The following BBS2 variants were observed in gnomAD, a reference collection of about 807,000 sequenced individuals.
The protein encoded by BBS2 is Bardet-Biedl syndrome 2.
In BBS2, 62 loss-of-function variants were observed where a neutral mutation model predicts 83.0. That is an observed-to-expected ratio of 0.75 (90% CI 0.61 to 0.92). BBS2 has a LOEUF of 0.92. BBS2 is among the 40% of genes least tolerant of loss of function. BBS2 has a pLI of 0.00. For missense variants in BBS2, 784 were observed against 901.0 expected (o/e 0.87, Z 1.66); for synonymous variants, 303 against 326.1 (o/e 0.93, Z 0.76).
In BBS2 at chr16:56,508,376, A is replaced by G. The variant is rs545363962; in HGVS notation, c.612+1581T>C. Reference sequence around the variant, plus strand: ...AAATACCACATAACTAAATTTTGCAAAATCCCACCATTCTGATCTCTAAGA... The same window carrying G: ...AAATACCACATAACTAAATTTTGCAGAATCCCACCATTCTGATCTCTAAGA... On this transcript the variant is annotated intron_variant, in intron 5 of 16. Transcript: ENST00000245157. Among the ~76,000 whole-genome samples, 3 of 152,278 alleles carry G rather than the reference A, an allele frequency of 2.0e-5. No homozygotes were observed. The East Asian group carries it at 5.8e-4, about 29-fold the overall frequency.
At chr16:56,509,337 A>G (rs1316312316) in intron 5 of BBS2, 1 of 154,798 alleles carries the variant, frequency 6.5e-6, no homozygotes, top group Non-Finnish European at 1.4e-5. Flanking sequence ...CCCCGTCTCT[A>G]TTAAAAACAC....
chr16:56,502,844 C>T (rs375894611), intron 7 of BBS2, 36 bp from the exon 8 acceptor site: 13 of 1,613,206 alleles, frequency 8.1e-6, no homozygotes, highest in Non-Finnish European at 1.1e-5. Flanking sequence ...GTTGCTTATG[C>T]TACATGTTTA....
intron 16 of BBS2, among the ~76,000 whole-genome samples, chr16:56,485,182 G>C (rs761688130): frequency 3.3e-5 from 5 of 152,042 alleles, no homozygotes; most frequent in Non-Finnish European, 7.4e-5. Flanking sequence ...TAAATCTCTG[G>C]CTATATTTCT....
At chr16:56,470,890 T>C (rs1963140089) in intron 17 of BBS2, 1 of 1,241,398 alleles carries the variant, frequency 8.1e-7, no homozygotes, top group Non-Finnish European at 1.1e-6. Flanking sequence ...TACTGTGCCC[T>C]AAGCCCTATT....
At chr16:56,480,184 C>T (rs1963624795), downstream of BBS2, among the ~76,000 whole-genome samples, 1 of 151,916 alleles carries the variant, frequency 6.6e-6, no homozygotes, top group Non-Finnish European at 1.5e-5. Flanking sequence ...ATTAGGTCCA[C>T]ATCTTTAATT....
In BBS2 at chr16:56,484,828, T is replaced by C; in HGVS notation, c.2099A>G (p.Asp700Gly). Residue 700 changes from aspartate to glycine, a missense_variant, in exon 17 of 17, where the codon GAT becomes GGT. Transcript: ENST00000245157. ...PKNQVITACRDAIRSNNINTL... is the reference protein window; with the variant it reads ...PKNQVITACRGAIRSNNINTL... ...GTTGATGTTATTGCTTCGAATTGCA[T>C]CCCGACAAGCAGTGATCACCTGGTT... is the stretch of plus-strand genomic sequence containing the variant. 6.2e-7 allele frequency: 1 copy of C among 1,614,026 alleles called. No individual in the cohort carries two copies. The highest frequency in any genetic ancestry group is 1.6e-4 in the Middle Eastern group (1 of 6,062).
In BBS2 at chr16:56,501,393, G is replaced by A; in HGVS notation, c.1185C>T (p.Thr395=). 9 of 1,614,066 alleles carry A rather than the reference G, an allele frequency of 5.6e-6. No individual in the cohort carries two copies. Among genetic ancestry groups the A allele is most frequent in the Non-Finnish European group, 7.6e-6 (9 of 1,180,018 alleles). Reference sequence around the variant, plus strand: ...TGCGTAATTCTGTATGAGCAGTTTGGGTCTCATTCCCCAGGCTGACTGAGA... The same window carrying A: ...TGCGTAATTCTGTATGAGCAGTTTGAGTCTCATTCCCCAGGCTGACTGAGA... ...TTLSVSLGNE[T]QTAHTELRIS... is the part of the protein sequence containing the mutation. Residue 395 remains threonine (T), a synonymous_variant, in exon 10 of 17, where the codon ACC becomes ACT. Coordinates refer to ENST00000245157, the MANE Select transcript of BBS2 (RefSeq NM_031885.5).
In BBS2 at chr16:56,498,487, A is replaced by G; in HGVS notation, c.1609T>C (p.Ser537Pro). 6.2e-7 allele frequency: 1 copy of G among 1,614,116 alleles called. No homozygotes were observed. Among genetic ancestry groups the G allele is most frequent in the Non-Finnish European group, 8.5e-7 (1 of 1,180,004 alleles). The change falls in exon 13 of 17, where the codon TCT (serine) becomes CCT (proline). Residue 537 changes from serine (S) to proline (P), a missense_variant. Coordinates refer to ENST00000245157, the MANE Select transcript of BBS2 (RefSeq NM_031885.5). ...TGCAGGTGGCCGCCATTCCGTAAAGATGTGAAACACACTTGAAATGGAGCA... is the reference window on the plus strand; with the variant it reads ...TGCAGGTGGCCGCCATTCCGTAAAGGTGTGAAACACACTTGAAATGGAGCA... ...QNAPFQVCFT[S>P]LRNGGHLHIK...
At chr16:56,497,494 A>T (rs1964147072) in intron 14 of BBS2, 2 of 556,068 alleles carry the variant, frequency 3.6e-6, no homozygotes, top group South Asian at 4.2e-5. Flanking sequence ...ACAAAGGAAA[A>T]TGTTAATATT....
At chr16:56,483,408 A>T (rs545047775), downstream of BBS2, among the ~76,000 whole-genome samples, 7 of 152,326 alleles carry the variant, frequency 4.6e-5, no homozygotes, top group African/African-American at 1.7e-4. Context: ...ATGTGAAACT[A>T]GTCACCCAAA....
intron 15 of BBS2, among the ~76,000 whole-genome samples, chr16:56,489,814 A>T (rs527782501): frequency 3.3e-5 from 5 of 151,898 alleles, no homozygotes; most frequent in Admixed American, 6.6e-5. Context: ...GAAAAAAAAA[A>T]AGTAGTAGTA....
rs1207084348 is a variant in BBS2, at chr16:56,502,312, C to A, written c.1080+5G>T. 6.2e-7 allele frequency: 1 copy of A among 1,614,214 alleles called. No homozygotes were observed. The highest frequency in any genetic ancestry group is 1.1e-5 in the South Asian group (1 of 91,086). On this transcript the variant is annotated splice_donor_5th_base_variant and intron_variant, in intron 9 of 16. Transcript: ENST00000245157. ...TTACCTGGTCACATTAGGACCTACA[C>A]CTACCTTGGCATTTTCCTCATAGTT...
At chr16:56,498,804 T>C in intron 12 of BBS2, 9 of 1,103,196 alleles carry the variant, frequency 8.2e-6, no homozygotes, top group Non-Finnish European at 1.1e-5. Context: ...TTAAGTAACA[T>C]TCATAATTAT....
intron 2 of BBS2, among the ~76,000 whole-genome samples, chr16:56,513,882 G>A (rs1964651460): frequency 6.6e-6 from 1 of 152,264 alleles, no homozygotes; most frequent in South Asian, 2.1e-4. Context: ...GTAAAAACAA[G>A]TAAAAGGCTA....
chr16:56,482,828 A>G (rs1597000077), downstream of BBS2, among the ~76,000 whole-genome samples: 1 of 152,330 alleles, frequency 6.6e-6, no homozygotes, highest in South Asian at 2.1e-4. Flanking sequence ...ACAGGCACAC[A>G]GCTAGATTCC....
At chr16:56,516,295 C>G (rs1964746234) in intron 1 of BBS2, among the ~76,000 whole-genome samples, 1 of 152,150 alleles carries the variant, frequency 6.6e-6, no homozygotes, top group African/African-American at 2.4e-5. Context: ...TGAGGAGGTG[C>G]TGCAAACAAT....
chr16:56,517,603 T>C (rs1386432886), intron 1 of BBS2, among the ~76,000 whole-genome samples: 4 of 152,220 alleles, frequency 2.6e-5, no homozygotes, highest in African/African-American at 7.2e-5. Flanking sequence ...TTCAGTTAAC[T>C]ACCTGGTTCC....
downstream of BBS2, among the ~76,000 whole-genome samples, chr16:56,482,231 C>G (rs191042634): frequency 3.9e-5 from 6 of 152,234 alleles, no homozygotes; most frequent in Admixed American, 3.3e-4. Flanking sequence ...ATGGTTAAAA[C>G]AAAGACTCAA....
chr16:56,499,685 A>C, intron 12 of BBS2, 93 bp downstream of exon 12: 1 of 1,546,504 alleles, frequency 6.5e-7, no homozygotes, highest in African/African-American at 1.4e-5. Flanking sequence ...TGCTACCAAT[A>C]TAACACATTA....
Sources: gnomAD v4.1 joint callset for allele counts (sites outside exome capture counted in the v4.1 genomes callset) on GRCh38, gnomAD v4.1.1 for gene constraint, MANE v1.5 for transcripts, NCBI Gene and HGNC (gene_info 2026-07-23, HGNC 2026-07-21) for gene names.